DNAH9: variants seen among roughly 807,000 people sequenced by gnomAD.
The protein encoded by DNAH9 is DNAH9 variant protein.
A neutral mutation model predicts 471.6 loss-of-function variants in DNAH9; 345 were observed. That is an observed-to-expected ratio of 0.73 (90% CI 0.67 to 0.80). The LOEUF is 0.80. Ranked by LOEUF, DNAH9 falls within the 30% of genes least tolerant of loss-of-function variation. The pLI, the probability that DNAH9 is intolerant of heterozygous loss-of-function variation, is 0.00. For missense variants in DNAH9, 5,407 were observed against 5,609.2 expected, an observed-to-expected ratio of 0.96 and a Z score of 1.15; for synonymous variants, 2,093 against 2,123.6, an observed-to-expected ratio of 0.99 and a Z score of 0.40.
At chr17:11,658,455 A>G (rs2073694716) in intron 14 of DNAH9, among the ~76,000 whole-genome samples, 1 of 152,176 alleles carries the variant, frequency 6.6e-6, no homozygotes, top group Admixed American at 6.5e-5. Flanking sequence ...ATTTGCAAAT[A>G]GAGACAATAT....
chr17:11,688,217 A>G (rs2074273938), intron 19 of DNAH9, among the ~76,000 whole-genome samples: 1 of 151,744 alleles, frequency 6.6e-6, no homozygotes, highest in East Asian at 2.0e-4. Context: ...CAGACTTACG[A>G]GGATTAGAAG....
intron 57 of DNAH9, among the ~76,000 whole-genome samples, chr17:11,887,423 G>A (rs1277394348): frequency 6.6e-6 from 1 of 152,108 alleles, no homozygotes; most frequent in African/African-American, 2.4e-5. Context: ...TATCCCCAAA[G>A]CTGCTGCTTA....
intron 37 of DNAH9, 67 bp from the exon 38 acceptor site, chr17:11,769,055 A>C (rs541791882): frequency 6.5e-7 from 1 of 1,547,028 alleles, no homozygotes; most frequent in South Asian, 1.1e-5. Context: ...ATGCTTCGGA[A>C]CGCCGCTGGT....
chr17:11,729,338 T>C lies in DNAH9; in HGVS notation c.5814+1416T>C, dbSNP rs1355642561. On this transcript the variant is annotated intron_variant, in intron 28 of 68. Coordinates refer to ENST00000262442, the MANE Select transcript of DNAH9 (RefSeq NM_001372.4). Reference sequence around the variant, plus strand: ...GGGGCGGCTGGTTTCAGAACCCCCATCCTGCCCTTAACAGAGCAAAGCAAT... The same window carrying C: ...GGGGCGGCTGGTTTCAGAACCCCCACCCTGCCCTTAACAGAGCAAAGCAAT... 2.0e-5 allele frequency among the ~76,000 whole-genome samples: 3 copies of C among 152,060 alleles called. No individual in the cohort carries two copies. In the East Asian group the frequency reaches 5.8e-4, roughly 29 times the overall value.
At chr17:11,933,325 G>A (rs1376349718) in intron 64 of DNAH9, among the ~76,000 whole-genome samples, 1 of 152,028 alleles carries the variant, frequency 6.6e-6, no homozygotes. Flanking sequence ...TATATGGGGC[G>A]TGGGGTTGGC....
intron 26 of DNAH9, among the ~76,000 whole-genome samples, chr17:11,713,720 T>C (rs1160736566): frequency 1.3e-5 from 2 of 152,210 alleles, no homozygotes; most frequent in Non-Finnish European, 2.9e-5. Context: ...GGAGAAAAAA[T>C]GATTTTTGTA....
At chr17:11,763,279 G>A (rs1423232417) in intron 35 of DNAH9, among the ~76,000 whole-genome samples, 161 bp from the exon 36 acceptor site, 2 of 152,142 alleles carry the variant, frequency 1.3e-5, no homozygotes, top group African/African-American at 4.8e-5. Flanking sequence ...GAGAACAGCT[G>A]ATGAGAATAA....
intron 49 of DNAH9, among the ~76,000 whole-genome samples, chr17:11,851,188 G>T (rs1971411152): frequency 6.6e-6 from 1 of 152,068 alleles, no homozygotes; most frequent in Admixed American, 6.6e-5. Flanking sequence ...TTGGCTCCTT[G>T]CAACCTCCAC....
intron 26 of DNAH9, 27 bp from the exon 27 acceptor site, chr17:11,719,307 T>C: frequency 6.2e-7 from 1 of 1,609,484 alleles, no homozygotes; most frequent in Non-Finnish European, 8.5e-7. Context: ...CCAAGAATGA[T>C]GACCTATGCC....
intron 26 of DNAH9, among the ~76,000 whole-genome samples, chr17:11,717,546 T>C (rs1382545932): frequency 6.6e-6 from 1 of 152,114 alleles, no homozygotes; most frequent in Non-Finnish European, 1.5e-5. Flanking sequence ...CCCCCTCACA[T>C]GGCCCCGCCT....
chr17:11,701,617 C>T (rs973260555), intron 24 of DNAH9, among the ~76,000 whole-genome samples: 2 of 152,170 alleles, frequency 1.3e-5, no homozygotes, highest in Non-Finnish European at 2.9e-5. Flanking sequence ...AGTTTACAGA[C>T]TCATGTGGAA....
At chr17:11,849,726 C>A (rs975111693) in intron 49 of DNAH9, among the ~76,000 whole-genome samples, 23 of 152,192 alleles carry the variant, frequency 1.5e-4, no homozygotes, top group Admixed American at 1.5e-3. Context: ...AATTCTCTCT[C>A]CTGAGCCCTT....
intron 61 of DNAH9, among the ~76,000 whole-genome samples, chr17:11,920,631 A>AAG (rs1555621168): frequency 1.3e-5 from 2 of 148,350 alleles, no homozygotes; most frequent in Non-Finnish European, 3.0e-5. Flanking sequence ...AAAAAAAAAA[A>AAG]AAAAGAAAAG....
chr17:11,672,194 C>T (rs941953694), intron 17 of DNAH9, among the ~76,000 whole-genome samples: 13 of 152,164 alleles, frequency 8.5e-5, no homozygotes, highest in Non-Finnish European at 1.2e-4. Flanking sequence ...CCTTTTATTA[C>T]GTAAATTCTC....
rs149313765 is a variant in DNAH9 at position 11,954,788 on chromosome 17, AGAG to A, written c.12844-7078_12844-7076del. On this transcript the variant is annotated intron_variant, in intron 67 of 68. Coordinates refer to ENST00000262442, the MANE Select transcript of DNAH9 (RefSeq NM_001372.4). Reference sequence around the variant, plus strand: ...TCGTCTTAAAAAAAAAAAAAAAAAAAGAGAGAGAAAGAAATTTCTTAGAAAGAA... The same window carrying A: ...TCGTCTTAAAAAAAAAAAAAAAAAAAAGAGAAAGAAATTTCTTAGAAAGAA... Among the ~76,000 whole-genome samples the A allele has an allele frequency of 1.2e-3, 117 of 101,522 alleles. 1 individual carries two copies. Among genetic ancestry groups the A allele is most frequent in the East Asian group, 1.8e-3 (6 of 3,348 alleles). The allele number at this position is 101,522 out of a possible 152,430, so 66.6% of individuals were successfully genotyped here.
intron 4 of DNAH9, among the ~76,000 whole-genome samples, chr17:11,615,618 G>GCT (rs757134656): frequency 1.1e-3 from 157 of 148,992 alleles, no homozygotes; most frequent in African/African-American, 3.2e-3. Context: ...TATGAGCCCA[G>GCT]CTCTCTCTCT....
chr17:11,940,973 TAAG>T (rs1974885621), intron 66 of DNAH9, among the ~76,000 whole-genome samples: 1 of 152,122 alleles, frequency 6.6e-6, no homozygotes, highest in Non-Finnish European at 1.5e-5. Flanking sequence ...GGAGTCAGCC[TAAG>T]AAGAGATAAA....
At chr17:11,616,120 C>G (rs1029564780) in intron 4 of DNAH9, among the ~76,000 whole-genome samples, 11 of 152,132 alleles carry the variant, frequency 7.2e-5, no homozygotes, top group African/African-American at 2.2e-4. Context: ...GGTCGTCTTC[C>G]TTTTCCTTAG....
At chr17:11,764,172 G>C (rs1244053278) in intron 36 of DNAH9, among the ~76,000 whole-genome samples, 1 of 152,182 alleles carries the variant, frequency 6.6e-6, no homozygotes, top group Admixed American at 6.5e-5. Flanking sequence ...AGTGTTGACT[G>C]CTATAGTCTC....
Sources: gnomAD v4.1 joint callset for allele counts (sites outside exome capture counted in the v4.1 genomes callset) on GRCh38, gnomAD v4.1.1 for gene constraint, MANE v1.5 for transcripts, NCBI Gene and HGNC (gene_info 2026-07-23, HGNC 2026-07-21) for gene names.